MCOLN2: variants seen among roughly 807,000 people sequenced by gnomAD.
MCOLN2 encodes mucolipin-2.
Under a neutral mutation model 67.5 loss-of-function variants are expected in MCOLN2, and 57 were observed. That is an observed-to-expected ratio of 0.84 (90% CI 0.68 to 1.05). MCOLN2 has a LOEUF of 1.05. MCOLN2 is among the 50% of genes least tolerant of loss of function. MCOLN2 has a pLI of 0.00. For missense variants in MCOLN2, 620 were observed against 678.8 expected, an observed-to-expected ratio of 0.91 and a Z score of 0.96; for synonymous variants, 246 against 233.3, an observed-to-expected ratio of 1.05 and a Z score of -0.50.
intron 2 of MCOLN2, among the ~76,000 whole-genome samples, chr1:84,964,414 A>C (rs1471078508): frequency 1.3e-5 from 2 of 151,938 alleles, no homozygotes; most frequent in East Asian, 3.9e-4. Flanking sequence ...ATCAGTTTAA[A>C]AGGGCGTGTG....
rs775896734 is a variant in MCOLN2 at position 84,952,449 on chromosome 1, T to C, written c.647A>G (p.Tyr216Cys). Residue 216 changes from tyrosine to cysteine, a missense_variant, in exon 5 of 14, where the codon TAT becomes TGT. Coordinates refer to ENST00000370608, the MANE Select transcript of MCOLN2 (RefSeq NM_153259.4). ...KNSSFFRLEF[Y>C]RLLQVEISFH... ...TAACACTTTAAAATGTATTTACCGATAAAATTCCAGTCTGAAGAATGATGA... is the reference window on the plus strand; with the variant it reads ...TAACACTTTAAAATGTATTTACCGACAAAATTCCAGTCTGAAGAATGATGA... 8 of 1,610,882 alleles carry C rather than the reference T, an allele frequency of 5.0e-6. No homozygotes were observed. Among genetic ancestry groups the C allele is most frequent in the Non-Finnish European group, 5.1e-6 (6 of 1,177,048 alleles).
intron 1 of MCOLN2, among the ~76,000 whole-genome samples, chr1:84,977,874 A>G (rs529693709): frequency 6.6e-6 from 1 of 152,310 alleles, no homozygotes; most frequent in Non-Finnish European, 1.5e-5. Flanking sequence ...CTTAATCTGC[A>G]CTATAGACTG....
intron 13 of MCOLN2, among the ~76,000 whole-genome samples, chr1:84,929,331 A>G (rs963892135): frequency 1.3e-5 from 2 of 152,250 alleles, no homozygotes; most frequent in African/African-American, 4.8e-5. Flanking sequence ...AGAGTCTTAT[A>G]GTATTTCTAA....
intron 1 of MCOLN2, among the ~76,000 whole-genome samples, chr1:84,970,769 T>C (rs1343763100): frequency 6.6e-6 from 1 of 152,180 alleles, no homozygotes; most frequent in Non-Finnish European, 1.5e-5. Flanking sequence ...CAAATGTGAA[T>C]AGATAAAAGA....
At chr1:84,929,471 G>A in intron 13 of MCOLN2, 87 bp downstream of exon 13, 7 of 1,391,088 alleles carry the variant, frequency 5.0e-6, no homozygotes, top group African/African-American at 1.4e-5. Flanking sequence ...GCTGGTCTCT[G>A]AATGTAATGG....
At chr1:84,929,811 T>A in intron 12 of MCOLN2, 132 bp from the exon 13 acceptor site, 1 of 760,682 alleles carries the variant, frequency 1.3e-6, no homozygotes, top group Non-Finnish European at 2.0e-6. Flanking sequence ...GAACTGATAT[T>A]TACAATGATG....
intron 1 of MCOLN2, among the ~76,000 whole-genome samples, chr1:84,968,438 C>T (rs1341873912): frequency 6.6e-6 from 1 of 152,064 alleles, no homozygotes; most frequent in Non-Finnish European, 1.5e-5. Context: ...TTATAAAACA[C>T]AATGACAAAC....
At position 84,958,671 on chromosome 1, in the gene MCOLN2, A is replaced by C; in HGVS notation, c.269T>G (p.Val90Gly). 2.5e-6 allele frequency: 4 copies of C among 1,589,148 alleles called. No individual in the cohort carries two copies. The highest frequency in any genetic ancestry group is 8.5e-7 in the Non-Finnish European group (1 of 1,172,494). The change falls in exon 3 of 14, where the codon GTG becomes GGG. Residue 90 changes from valine to glycine, a missense_variant. Physicochemically the swap from Val to Gly is moderately radical, Grantham distance 109 (BLOSUM62 -3). Transcript: ENST00000370608. The part of the protein sequence containing the change: ...LVRFGLSNQL[V>G]VAFKEDNTVA... ...AGTGTTATCTTCTTTGAAAGCAACCACCAGCTGGTTACTTAAACCAAAACG... is the reference window on the plus strand; with the variant it reads ...AGTGTTATCTTCTTTGAAAGCAACCCCCAGCTGGTTACTTAAACCAAAACG...
intron 8 of MCOLN2, among the ~76,000 whole-genome samples, chr1:84,940,134 C>T (rs1393340984): frequency 1.3e-5 from 2 of 151,912 alleles, no homozygotes; most frequent in African/African-American, 4.8e-5. Context: ...ATATGAGCCC[C>T]CTCACCTTGG....
At chr1:84,987,979 G>A (rs747086354) in intron 1 of MCOLN2, among the ~76,000 whole-genome samples, 3 of 152,066 alleles carry the variant, frequency 2.0e-5, no homozygotes, top group Non-Finnish European at 4.4e-5. Flanking sequence ...CTGCTTGGGT[G>A]ATGGGTGCAC....
intron 1 of MCOLN2, among the ~76,000 whole-genome samples, chr1:84,967,339 A>G (rs931571523): frequency 1.3e-5 from 2 of 152,246 alleles, no homozygotes; most frequent in Admixed American, 1.3e-4. Context: ...CTTAGGAAGT[A>G]TCTTGATGGT....
At chr1:84,964,390 G>A (rs1424308574) in intron 2 of MCOLN2, among the ~76,000 whole-genome samples, 1 of 151,980 alleles carries the variant, frequency 6.6e-6, no homozygotes, top group African/African-American at 2.4e-5. Context: ...TGCCAATAGA[G>A]CCAAATATCC....
chr1:84,928,766 T>C (rs575774504), intron 13 of MCOLN2, among the ~76,000 whole-genome samples: 11 of 152,338 alleles, frequency 7.2e-5, no homozygotes, highest in South Asian at 2.1e-4. Flanking sequence ...AGTCATATCA[T>C]TGTAAGTCCC....
chr1:84,958,540 C>CA lies in MCOLN2; in HGVS notation c.399dup (p.Ala134CysfsTer3), dbSNP rs753338369. ...AACAAAACACTTGCCTGATTAATAG[C>CA]AAAAAAGATGCTCTCATAGGCATCC... On this transcript the variant is annotated frameshift_variant, in exon 3 of 14. Transcript: ENST00000370608. LOFTEE classifies it high-confidence loss of function. The CA allele has an allele frequency of 4.4e-6, 7 of 1,600,988 alleles. No individual in the cohort carries two copies. The African/African-American group carries it at 8.1e-5, about 18-fold the overall frequency.
At chr1:84,957,329 A>G (rs1368266549) in intron 3 of MCOLN2, among the ~76,000 whole-genome samples, 2 of 152,146 alleles carry the variant, frequency 1.3e-5, no homozygotes, top group Admixed American at 6.6e-5. Flanking sequence ...CTCAGCTTAC[A>G]TTAACATGGC....
At chr1:84,956,710 C>G in intron 3 of MCOLN2, 126 bp from the exon 4 acceptor site, 1 of 746,526 alleles carries the variant, frequency 1.3e-6, no homozygotes, top group Non-Finnish European at 2.1e-6. Context: ...ATAGAACTTC[C>G]CAATTTAAAA....
intron 11 of MCOLN2, among the ~76,000 whole-genome samples, chr1:84,935,969 G>A (rs1346818342): frequency 6.6e-6 from 1 of 152,180 alleles, no homozygotes; most frequent in Admixed American, 6.5e-5. Flanking sequence ...GCAATGATCT[G>A]TTTTAGATAA....
intron 6 of MCOLN2, among the ~76,000 whole-genome samples, chr1:84,950,555 T>C (rs1362882444): frequency 3.3e-5 from 5 of 152,236 alleles, no homozygotes; most frequent in Non-Finnish European, 7.3e-5. Flanking sequence ...GAACTTAAGA[T>C]GTCCAAATGC....
chr1:84,981,233 G>C (rs1186517014), intron 1 of MCOLN2, among the ~76,000 whole-genome samples: 3 of 152,282 alleles, frequency 2.0e-5, no homozygotes, highest in African/African-American at 7.2e-5. Flanking sequence ...AACCACTATG[G>C]AGAACAGTTT....
Sources: allele counts gnomAD v4.1 joint callset (sites outside exome capture counted in the v4.1 genomes callset), GRCh38; gene constraint gnomAD v4.1.1; transcripts MANE v1.5; gene names NCBI Gene and HGNC (gene_info 2026-07-23, HGNC 2026-07-21).